Variants in LARS2 observed in about 807,000 individuals in gnomAD.
The protein encoded by LARS2 is leucine--tRNA ligase, mitochondrial.
In LARS2, 81 loss-of-function variants were observed where a neutral mutation model predicts 116.6. The ratio of observed to expected loss-of-function variants is 0.69; its 90% CI spans 0.58 to 0.84. The LOEUF is 0.84. Ranked by LOEUF, LARS2 falls within the 40% of genes least tolerant of loss-of-function variation. LARS2 has a pLI of 0.00. For missense variants in LARS2, 968 were observed against 1,114.5 expected, an observed-to-expected ratio of 0.87 and a Z score of 1.87; for synonymous variants, 396 against 407.2, an observed-to-expected ratio of 0.97 and a Z score of 0.33.
intron 6 of LARS2, among the ~76,000 whole-genome samples, chr3:45,432,831 A>T (rs975314231): frequency 6.6e-6 from 1 of 152,068 alleles, no homozygotes; most frequent in Admixed American, 6.5e-5. Context: ...TGAAACTGAA[A>T]GTTGATTCTT....
At chr3:45,388,979 A>T (rs1697892512) in intron 1 of LARS2, 1 of 152,072 alleles carries the variant, frequency 6.6e-6, no homozygotes, top group Non-Finnish European at 1.5e-5. Flanking sequence ...TGCTCCCCGG[A>T]CTAGGGGTTT....
chr3:45,426,542 T>G (rs1298863769), intron 6 of LARS2, among the ~76,000 whole-genome samples: 2 of 152,204 alleles, frequency 1.3e-5, no homozygotes, highest in Non-Finnish European at 2.9e-5. Context: ...CTGAAATGAT[T>G]TGGCAGCTTA....
intron 8 of LARS2, among the ~76,000 whole-genome samples, chr3:45,464,817 A>G (rs761877196): frequency 7.9e-5 from 12 of 152,180 alleles, no homozygotes; most frequent in Non-Finnish European, 1.8e-4. Flanking sequence ...GCTTCTCTGC[A>G]GGGCTCTGAG....
At chr3:45,430,841 T>C (rs1267037886) in intron 6 of LARS2, among the ~76,000 whole-genome samples, 1 of 152,058 alleles carries the variant, frequency 6.6e-6, no homozygotes, top group Non-Finnish European at 1.5e-5. Flanking sequence ...CATCTCGGCC[T>C]CCCAAAGTGC....
intron 5 of LARS2, 37 bp from the exon 6 acceptor site, chr3:45,419,630 CCT>C (rs1698484036): frequency 4.0e-6 from 6 of 1,488,182 alleles, no homozygotes; most frequent in Middle Eastern, 3.4e-4. Flanking sequence ...GCTTTAATCC[CCT>C]CTCTAAAAAC....
intron 3 of LARS2, among the ~76,000 whole-genome samples, chr3:45,399,784 C>G (rs1014567473): frequency 6.6e-6 from 1 of 151,704 alleles, no homozygotes; most frequent in Non-Finnish European, 1.5e-5. Context: ...TTATCCTTCA[C>G]CCCCCTTTCC....
At chr3:45,458,266 C>T (rs1398664320) in intron 7 of LARS2, among the ~76,000 whole-genome samples, 1 of 152,090 alleles carries the variant, frequency 6.6e-6, no homozygotes, top group Non-Finnish European at 1.5e-5. Flanking sequence ...AAGATGGAAG[C>T]ACAGAGGAAA....
At chr3:45,416,458 A>T (rs907001487) in intron 4 of LARS2, among the ~76,000 whole-genome samples, 7 of 152,140 alleles carry the variant, frequency 4.6e-5, no homozygotes, top group African/African-American at 1.7e-4. Flanking sequence ...GCCGTGAGAA[A>T]GGGACAGGTC....
At chr3:45,532,040 A>G (rs549360163) in intron 20 of LARS2, among the ~76,000 whole-genome samples, 3 of 152,334 alleles carry the variant, frequency 2.0e-5, no homozygotes, top group East Asian at 1.9e-4. Context: ...CTAGGATTCT[A>G]TGATCAGCAA....
intron 5 of LARS2, among the ~76,000 whole-genome samples, chr3:45,418,317 CAAGGATACATTGTAA>C (rs1375798855): frequency 6.6e-6 from 1 of 152,232 alleles, no homozygotes; most frequent in African/African-American, 2.4e-5. Flanking sequence ...CTAGCTTACC[CAAGGATACATTGTAA>C]AAGCATCTAC....
intron 4 of LARS2, among the ~76,000 whole-genome samples, chr3:45,412,373 C>A (rs1191126784): frequency 6.6e-6 from 1 of 151,906 alleles, no homozygotes; most frequent in African/African-American, 2.4e-5. Context: ...AAGCAGGCTC[C>A]TATATATGTG....
intron 19 of LARS2, among the ~76,000 whole-genome samples, 196 bp from the exon 20 acceptor site, chr3:45,523,801 C>T (rs919820734): frequency 2.2e-4 from 33 of 151,758 alleles, no homozygotes; most frequent in African/African-American, 7.3e-4. Flanking sequence ...GTGTCAGCTA[C>T]CACACCTGGC....
chr3:45,547,475 A>G lies in LARS2; in HGVS notation c.2657A>G (p.Lys886Arg), dbSNP rs756395881. The G allele has an allele frequency of 1.9e-6, 3 of 1,613,700 alleles. No homozygotes were observed. Among genetic ancestry groups the G allele is most frequent in the African/African-American group, 2.7e-5 (2 of 75,006 alleles). The change falls in exon 22 of 22, where the codon AAG (lysine) becomes AGG (arginine). Residue 886 changes from lysine to arginine, a missense_variant. By Grantham distance (26) the Lys-to-Arg change is conservative (BLOSUM62 2). Transcript: ENST00000645846. ...AGGCTTTTGCAAGGACGAAGCATCAAGAAGTCCTTCCTTTCCCCGAGAACT... is the reference window on the plus strand; with the variant it reads ...AGGCTTTTGCAAGGACGAAGCATCAGGAAGTCCTTCCTTTCCCCGAGAACT... ...GVRLLQGRSI[K>R]KSFLSPRTAL...
chr3:45,525,567 A>G (rs1700519672), intron 20 of LARS2, among the ~76,000 whole-genome samples: 1 of 152,210 alleles, frequency 6.6e-6, no homozygotes, highest in Non-Finnish European at 1.5e-5. Flanking sequence ...GGTCCAGTTT[A>G]CTTTAGCAGG....
chr3:45,417,655 A>G, intron 5 of LARS2, 82 bp downstream of exon 5: 1 of 863,628 alleles, frequency 1.2e-6, no homozygotes, highest in Non-Finnish European at 1.9e-6. Context: ...AAAAATAGAA[A>G]GCAAAGCAAA....
chr3:45,418,293 T>C (rs1397962935), intron 5 of LARS2, among the ~76,000 whole-genome samples: 1 of 152,258 alleles, frequency 6.6e-6, no homozygotes, highest in Non-Finnish European at 1.5e-5. Flanking sequence ...CAGTGTCTCT[T>C]ACCTGTCTTT....
intron 13 of LARS2, among the ~76,000 whole-genome samples, chr3:45,492,609 G>A (rs1699942093): frequency 6.6e-6 from 1 of 152,166 alleles, no homozygotes; most frequent in South Asian, 2.1e-4. Context: ...TTCAAGTCCT[G>A]GCTCTGCCTC....
At chr3:45,391,395 G>C (rs1232159775) in intron 1 of LARS2, among the ~76,000 whole-genome samples, 188 bp from the exon 2 acceptor site, 1 of 151,114 alleles carries the variant, frequency 6.6e-6, no homozygotes, top group Non-Finnish European at 1.5e-5. Context: ...TGAGGAAGGA[G>C]AATCTCTTGA....
chr3:45,497,754 A>G (rs756578499), intron 14 of LARS2, among the ~76,000 whole-genome samples: 5 of 152,128 alleles, frequency 3.3e-5, no homozygotes, highest in Non-Finnish European at 5.9e-5. Flanking sequence ...CAAAAATACA[A>G]AAATTAGCTG....
Sources: gnomAD v4.1 joint callset for allele counts (sites outside exome capture counted in the v4.1 genomes callset) on GRCh38, gnomAD v4.1.1 for gene constraint, MANE v1.5 for transcripts, NCBI Gene and HGNC (gene_info 2026-07-23, HGNC 2026-07-21) for gene names.